The following CALCRL variants were observed in gnomAD, a reference collection of about 807,000 sequenced individuals.
CALCRL encodes the protein calcitonin receptor like receptor, also known as calcitonin gene-related peptide type 1 receptor.
A neutral mutation model predicts 60.4 loss-of-function variants in CALCRL; 27 were observed. The ratio of observed to expected loss-of-function variants is 0.45; its 90% CI spans 0.33 to 0.62. The LOEUF is 0.62. Among genes scored for constraint, CALCRL ranks in the 20% least tolerant of loss-of-function variants. CALCRL has a pLI of 0.03. For missense variants in CALCRL, 424 were observed against 540.7 expected, an observed-to-expected ratio of 0.78 and a Z score of 2.14; for synonymous variants, 190 against 182.6, an observed-to-expected ratio of 1.04 and a Z score of -0.33.
intron 14 of CALCRL, among the ~76,000 whole-genome samples, chr2:187,349,000 A>T (rs1287231046): frequency 2.0e-5 from 3 of 151,718 alleles, no homozygotes; most frequent in Non-Finnish European, 4.4e-5. Flanking sequence ...TATACCCATT[A>T]ACACCCAATA....
rs769476508 is a variant in CALCRL at position 187,363,438 on chromosome 2, C to A, written c.565G>T (p.Val189Phe). Residue 189 changes from valine to phenylalanine, a missense_variant, in exon 9 of 15, where the codon GTT becomes TTT. This residue lies in a region of CALCRL where 43 missense variants were observed against 40.9 expected (regional missense o/e 1.05). Transcript: ENST00000392370. Reference protein sequence around the residue: ...NLFFSFVCNSVVTIIHLTAVA... With the variant: ...NLFFSFVCNSFVTIIHLTAVA... The stretch of plus-strand genomic sequence containing the variant: ...GCAGTGAGGTGAATGATTGTTACAA[C>A]AGAGTTACAAACAAATGAGAAGAAC... 3.1e-6 allele frequency: 5 copies of A among 1,612,086 alleles called. No individual in the cohort carries two copies. In the South Asian group the frequency reaches 5.5e-5, roughly 18 times the overall value.
intron 1 of CALCRL, among the ~76,000 whole-genome samples, chr2:187,403,375 A>G (rs1321231085): frequency 6.6e-6 from 1 of 151,810 alleles, no homozygotes; most frequent in East Asian, 1.9e-4. Context: ...CATCTTGAAG[A>G]AAAAATTGTC....
At chr2:187,357,734 A>G (rs1686860101) in intron 12 of CALCRL, among the ~76,000 whole-genome samples, 2 of 151,156 alleles carry the variant, frequency 1.3e-5, no homozygotes, top group African/African-American at 2.4e-5. Context: ...AGCATGGCAC[A>G]TGTATACATA....
At chr2:187,421,799 A>G (rs1315462344) in intron 1 of CALCRL, among the ~76,000 whole-genome samples, 1 of 152,238 alleles carries the variant, frequency 6.6e-6, no homozygotes, top group Non-Finnish European at 1.5e-5. Flanking sequence ...TTCAGTGTCC[A>G]GTAAGCATAG....
chr2:187,447,415 G>A lies in CALCRL; in HGVS notation c.-293+624C>T, dbSNP rs566512772. Among the ~76,000 whole-genome samples, 107 of 151,298 alleles carry A rather than the reference G, an allele frequency of 7.1e-4. 1 individual carries two copies. The highest frequency in any genetic ancestry group is 1.2e-3 in the Non-Finnish European group (79 of 67,750). Reference sequence around the variant, plus strand: ...GCCGACACCATGATCCAAATAAAGAGCAAACAGTTCAGGGTTAGCAGAAGA... The same window carrying A: ...GCCGACACCATGATCCAAATAAAGAACAAACAGTTCAGGGTTAGCAGAAGA... On this transcript the variant is annotated intron_variant, in intron 1 of 14. Transcript: ENST00000392370.
chr2:187,351,859 A>G lies in CALCRL; in HGVS notation c.1170+61T>C, dbSNP rs191929323. 3.6e-4 allele frequency: 371 copies of G among 1,019,098 alleles called. No individual in the cohort carries two copies. The Middle Eastern group carries it at 4.7e-3, about 13-fold the overall frequency. The allele number at this position is 1,019,098 out of a possible 1,614,324, so 63.1% of individuals were successfully genotyped here. ...TTATAATTTTATCTCATTTAAATAC[A>G]TGGATAGATAGACAGATAGCAAATA... is the stretch of plus-strand genomic sequence containing the variant. On this transcript the variant is annotated intron_variant, in intron 14 of 14. Coordinates refer to ENST00000392370, the MANE Select transcript of CALCRL (RefSeq NM_005795.6).
At chr2:187,365,658 T>C (rs923520980) in intron 8 of CALCRL, among the ~76,000 whole-genome samples, 5 of 151,994 alleles carry the variant, frequency 3.3e-5, no homozygotes, top group African/African-American at 9.7e-5. Flanking sequence ...TTGTAAGAAG[T>C]AAGTTGGAAT....
chr2:187,375,996 A>G (rs1687741518), intron 8 of CALCRL, among the ~76,000 whole-genome samples: 1 of 152,172 alleles, frequency 6.6e-6, no homozygotes, highest in Non-Finnish European at 1.5e-5. Context: ...AAGCTTGCCA[A>G]ATACTTTAAC....
chr2:187,345,897 T>C lies in CALCRL; in HGVS notation c.*287A>G, dbSNP rs927989855. 2 of 262,448 alleles carry C rather than the reference T, an allele frequency of 7.6e-6. No individual in the cohort carries two copies. The highest frequency in any genetic ancestry group is 1.4e-5 in the Non-Finnish European group (2 of 138,578). 16.3% of individuals were successfully genotyped at this position (262,448 alleles called of 1,614,324 possible). On this transcript the variant is annotated 3_prime_UTR_variant, in exon 15 of 15. Transcript: ENST00000392370. ...ACTGGCTTACACCAGCTCAGAAAAG[T>C]TGATTGTGCTTTTCTCCAATTCCAC...
At chr2:187,419,347 G>T (rs1689768892) in intron 1 of CALCRL, among the ~76,000 whole-genome samples, 1 of 152,180 alleles carries the variant, frequency 6.6e-6, no homozygotes, top group Non-Finnish European at 1.5e-5. Context: ...AGAGATGTCA[G>T]GGATATGCAA....
At chr2:187,413,140 A>T (rs1268848189) in intron 1 of CALCRL, among the ~76,000 whole-genome samples, 1 of 152,208 alleles carries the variant, frequency 6.6e-6, no homozygotes, top group Non-Finnish European at 1.5e-5. Flanking sequence ...TAGAAGCTCC[A>T]GGGAGAGGGG....
chr2:187,365,364 G>A (rs1192524515), intron 8 of CALCRL, among the ~76,000 whole-genome samples: 1 of 152,128 alleles, frequency 6.6e-6, no homozygotes, highest in Non-Finnish European at 1.5e-5. Context: ...CCTGCTTTGA[G>A]CTTACCCCAT....
chr2:187,416,050 T>C (rs1163636685), intron 1 of CALCRL, among the ~76,000 whole-genome samples: 1 of 152,098 alleles, frequency 6.6e-6, no homozygotes, highest in Non-Finnish European at 1.5e-5. Context: ...GCTCAGCCAA[T>C]AATAATAATA....
At chr2:187,406,593 T>G (rs1437152735) in intron 1 of CALCRL, among the ~76,000 whole-genome samples, 2 of 152,064 alleles carry the variant, frequency 1.3e-5, no homozygotes, top group Non-Finnish European at 2.9e-5. Flanking sequence ...TTTTTATCTA[T>G]GTATATGTTA....
rs1194762314 is a variant in CALCRL, at chr2:187,442,101, TATATAC to T, written c.-293+5932_-293+5937del. On this transcript the variant is annotated intron_variant, in intron 1 of 14. Coordinates refer to ENST00000392370, the MANE Select transcript of CALCRL (RefSeq NM_005795.6). ...ATATATATATATATATATATATATA[TATATAC>T]ATACACACACATATACATATACATA... 1.2e-3 allele frequency: 121 copies of T among 99,324 alleles called. 1 individual carries two copies. Among genetic ancestry groups the T allele is most frequent in the Middle Eastern group, 5.7e-3 (1 of 176 alleles). 6.2% of individuals were successfully genotyped at this position (99,324 alleles called of 1,614,324 possible).
At chr2:187,406,900 G>A (rs1689156703) in intron 1 of CALCRL, among the ~76,000 whole-genome samples, 1 of 151,952 alleles carries the variant, frequency 6.6e-6, no homozygotes, top group African/African-American at 2.4e-5. Context: ...GAGCTATTTT[G>A]TACAATAACG....
chr2:187,392,518 C>T (rs1371361383), intron 1 of CALCRL, among the ~76,000 whole-genome samples: 1 of 152,058 alleles, frequency 6.6e-6, no homozygotes, highest in Non-Finnish European at 1.5e-5. Flanking sequence ...CTACTCCAAT[C>T]GCAGAGTTCC....
At chr2:187,444,676 ACTCAG>A (rs1559082783) in intron 1 of CALCRL, among the ~76,000 whole-genome samples, 1 of 151,468 alleles carries the variant, frequency 6.6e-6, no homozygotes, top group Non-Finnish European at 1.5e-5. Context: ...ATAGACCCTA[ACTCAG>A]TTCACAGGCA....
intron 2 of CALCRL, 70 bp from the exon 3 acceptor site, chr2:187,387,563 A>G: frequency 5.4e-6 from 2 of 372,410 alleles, no homozygotes; most frequent in Non-Finnish European, 4.7e-6. Flanking sequence ...GTTGTTATAG[A>G]CAGAAAACAA....
Sources: gnomAD v4.1 joint callset for allele counts (sites outside exome capture counted in the v4.1 genomes callset) on GRCh38, gnomAD v4.1.1 for gene constraint, gnomAD v4.1.1 regional missense constraint, MANE v1.5 for transcripts, NCBI Gene and HGNC (gene_info 2026-07-23, HGNC 2026-07-21) for gene names.